FLYWCH2: variants seen among roughly 807,000 people sequenced by gnomAD.
FLYWCH2 encodes FLYWCH family member 2.
A neutral mutation model predicts 6.0 loss-of-function variants in FLYWCH2; 2 were observed. The ratio of observed to expected loss-of-function variants is 0.33; its 90% CI spans 0.14 to 1.04. The LOEUF is 1.04. FLYWCH2 is among the 50% of genes least tolerant of loss of function. The probability of loss-of-function intolerance (pLI) is 0.45; values close to 1 mark genes in which losing one functional copy is unlikely to be tolerated. For missense variants in FLYWCH2, 192 were observed against 183.4 expected, an observed-to-expected ratio of 1.05 and a Z score of -0.27; for synonymous variants, 87 against 79.3, an observed-to-expected ratio of 1.10 and a Z score of -0.52.
chr16:2,896,891 C>G, intron 3 of FLYWCH2, 120 bp downstream of exon 3: 1 of 985,412 alleles, frequency 1.0e-6, no homozygotes, highest in Non-Finnish European at 1.5e-6. Flanking sequence ...CTGACTTTGA[C>G]CACGTGTGGA....
At chr16:2,891,714 A>C (rs1433421937) in intron 1 of FLYWCH2, among the ~76,000 whole-genome samples, 3 of 147,046 alleles carry the variant, frequency 2.0e-5, no homozygotes, top group Non-Finnish European at 4.5e-5. Context: ...TCTCTCTTTT[A>C]TTTTATTTAA....
intron 3 of FLYWCH2, among the ~76,000 whole-genome samples, chr16:2,897,108 G>C (rs1426110084): frequency 1.3e-5 from 2 of 152,198 alleles, no homozygotes; most frequent in Non-Finnish European, 2.9e-5. Context: ...TGTTCGATGA[G>C]GGTCTCTAAG....
chr16:2,898,982 C>T (rs1200284283), intron 3 of FLYWCH2, 67 bp from the exon 4 acceptor site: 70 of 1,336,644 alleles, frequency 5.2e-5, no homozygotes, highest in Non-Finnish European at 3.3e-5. Flanking sequence ...CTGGTAGACC[C>T]CCAACAGCCA....
intron 1 of FLYWCH2, among the ~76,000 whole-genome samples, chr16:2,886,408 A>G (rs2069698879): frequency 6.8e-6 from 1 of 148,130 alleles, no homozygotes; most frequent in African/African-American, 2.6e-5. Context: ...GGGTTTCACT[A>G]TGTTGTCTAG....
intron 1 of FLYWCH2, among the ~76,000 whole-genome samples, chr16:2,889,371 C>T (rs1336223539): frequency 7.9e-5 from 12 of 151,762 alleles, no homozygotes; most frequent in South Asian, 4.2e-4. Flanking sequence ...CCACCATGCC[C>T]GGCTAATTTT....
chr16:2,885,166 C>G (rs1436975416), intron 1 of FLYWCH2, among the ~76,000 whole-genome samples: 2 of 151,764 alleles, frequency 1.3e-5, no homozygotes, highest in Admixed American at 1.3e-4. Context: ...ACTAAAAATA[C>G]AAAAAATTAG....
chr16:2,894,580 C>G (rs1302397730), intron 1 of FLYWCH2, among the ~76,000 whole-genome samples: 1 of 152,342 alleles, frequency 6.6e-6, no homozygotes, highest in Non-Finnish European at 1.5e-5. Context: ...CCGGAAGGGC[C>G]GCACGGGAGG....
chr16:2,890,222 G>GTTTTTTTTTT (rs1292847600), intron 1 of FLYWCH2, among the ~76,000 whole-genome samples: 1 of 107,598 alleles, frequency 9.3e-6, no homozygotes, highest in Admixed American at 9.2e-5. Flanking sequence ...GTGTTTTTTT[G>GTTTTTTTTTT]TTTTTGTTTT....
At chr16:2,884,869 C>T (rs973939092) in intron 1 of FLYWCH2, among the ~76,000 whole-genome samples, 2 of 146,994 alleles carry the variant, frequency 1.4e-5, no homozygotes, top group African/African-American at 4.9e-5. Flanking sequence ...AGCGATACTC[C>T]GTCTAAAAAA....
chr16:2,899,267 T>TA lies in FLYWCH2; in HGVS notation c.*118_*119insA. 1.4e-5 allele frequency: 7 copies of TA among 501,490 alleles called. No homozygotes were observed. The highest frequency in any genetic ancestry group is 3.4e-5 in the East Asian group (1 of 29,040). 31.1% of individuals were successfully genotyped at this position (501,490 alleles called of 1,614,324 possible). A position where few individuals can be genotyped will look rare whatever the true frequency, so the allele number is the denominator to read the frequency against. ...GCTTTTAACATTGTGTGATTTCTTTTCTTTTTTTTTTTTTTTTTAGATCAA... is the reference window on the plus strand; with the variant it reads ...GCTTTTAACATTGTGTGATTTCTTTTACTTTTTTTTTTTTTTTTTAGATCAA... On this transcript the variant is annotated 3_prime_UTR_variant, in exon 4 of 4. Transcript: ENST00000396958.
chr16:2,885,312 G>A (rs960145657), intron 1 of FLYWCH2, among the ~76,000 whole-genome samples: 1 of 151,502 alleles, frequency 6.6e-6, no homozygotes, highest in Non-Finnish European at 1.5e-5. Context: ...GCGAGACTCC[G>A]TCTCAAAAAA....
At chr16:2,890,245 T>G (rs8045433) in intron 1 of FLYWCH2, among the ~76,000 whole-genome samples, 41,284 of 150,872 alleles carry the variant, frequency 0.27, 5,700 homozygotes, top group Admixed American at 0.3. Context: ...TTTTTTTGTT[T>G]TTGTTGTTTT....
In FLYWCH2 at chr16:2,894,346, T is replaced by A. The variant is rs189384651; in HGVS notation, c.-199-874T>A. ...AGAGGACCCGGGGTGGACTCGGACG[T>A]GGGGTCAGGGAACCTGGCATTTATT... On this transcript the variant is annotated intron_variant, in intron 1 of 3. Coordinates refer to ENST00000396958, the MANE Select transcript of FLYWCH2 (RefSeq NM_138439.3). Among the ~76,000 whole-genome samples, 52 of 152,194 alleles carry A rather than the reference T, an allele frequency of 3.4e-4. No homozygotes were observed. The East Asian group carries it at 8.7e-3, about 25-fold the overall frequency.
At chr16:2,887,804 C>G (rs1389317174) in intron 1 of FLYWCH2, among the ~76,000 whole-genome samples, 1 of 151,654 alleles carries the variant, frequency 6.6e-6, no homozygotes, top group Admixed American at 6.6e-5. Flanking sequence ...TGGGTTCAAG[C>G]GATCCTCCTA....
intron 1 of FLYWCH2, among the ~76,000 whole-genome samples, chr16:2,891,412 TA>T (rs1025415968): frequency 6.6e-6 from 1 of 152,148 alleles, no homozygotes; most frequent in Non-Finnish European, 1.5e-5. Flanking sequence ...TTATTTTATT[TA>T]TTTTTTTTTG....
In FLYWCH2 at chr16:2,896,338, G is replaced by T. The variant is rs556241429; in HGVS notation, c.-98-14G>T. On this transcript the variant is annotated splice_polypyrimidine_tract_variant and intron_variant, in intron 2 of 3. Coordinates refer to ENST00000396958, the MANE Select transcript of FLYWCH2 (RefSeq NM_138439.3). The stretch of plus-strand genomic sequence containing the variant: ...GGGCTTCCACCACTGACGGGATTTT[G>T]CTTCCTTCCTTAGGACGGAACCGCT... 5.2e-6 allele frequency: 7 copies of T among 1,358,728 alleles called. No homozygotes were observed. Among genetic ancestry groups the T allele is most frequent in the Non-Finnish European group, 6.8e-6 (7 of 1,027,136 alleles). 84.2% of individuals were successfully genotyped at this position (1,358,728 alleles called of 1,614,324 possible).
chr16:2,891,263 G>GGTTGACATAATA (rs1274734388), intron 1 of FLYWCH2, among the ~76,000 whole-genome samples: 1 of 152,186 alleles, frequency 6.6e-6, no homozygotes, highest in Non-Finnish European at 1.5e-5. Context: ...TAGAGGTCAT[G>GGTTGACATAATA]GTTGACATAA....
intron 1 of FLYWCH2, among the ~76,000 whole-genome samples, chr16:2,888,454 T>C (rs533262525): frequency 1.4e-5 from 2 of 146,468 alleles, no homozygotes; most frequent in South Asian, 2.1e-4. Context: ...AATTTTCATA[T>C]GAATTTTAGG....
chr16:2,887,215 G>C (rs1280755547), intron 1 of FLYWCH2, among the ~76,000 whole-genome samples: 1 of 151,626 alleles, frequency 6.6e-6, no homozygotes, highest in Non-Finnish European at 1.5e-5. Flanking sequence ...GTGCAATCTC[G>C]GCTCACTGCA....
Sources: allele counts gnomAD v4.1 joint callset (sites outside exome capture counted in the v4.1 genomes callset), GRCh38; gene constraint gnomAD v4.1.1; transcripts MANE v1.5; gene names NCBI Gene and HGNC (gene_info 2026-07-23, HGNC 2026-07-21).